CNTNAP5: variants seen among roughly 807,000 people sequenced by gnomAD.
The protein encoded by CNTNAP5 is contactin associated protein family member 5.
In CNTNAP5, 72 loss-of-function variants were observed where a neutral mutation model predicts 150.2. That is an observed-to-expected ratio of 0.48 (90% CI 0.40 to 0.58). The LOEUF (loss-of-function observed/expected upper bound fraction) is 0.58, where lower values mean the gene tolerates loss of function less well. Ranked by LOEUF, CNTNAP5 falls within the 20% of genes least tolerant of loss-of-function variation. The probability of loss-of-function intolerance (pLI) is 0.00; values close to 1 mark genes in which losing one functional copy is unlikely to be tolerated. For synonymous variants in CNTNAP5, 672 were observed against 619.8 expected (o/e 1.08, Z -1.25); for missense variants, 1,636 against 1,626.2 (o/e 1.01, Z -0.10).
chr2:124,407,999 A>G (rs1051289277), intron 3 of CNTNAP5, among the ~76,000 whole-genome samples: 2 of 152,308 alleles, frequency 1.3e-5, no homozygotes, highest in East Asian at 1.9e-4. Context: ...GGAGTGCCAG[A>G]CAGTGGGCGC....
At chr2:124,223,174 G>T (rs928214991) in intron 2 of CNTNAP5, among the ~76,000 whole-genome samples, 1 of 152,116 alleles carries the variant, frequency 6.6e-6, no homozygotes, top group African/African-American at 2.4e-5. Flanking sequence ...CTGGGGAAAT[G>T]CTTGCATTCA....
At chr2:124,283,126 G>C (rs1688057648) in intron 3 of CNTNAP5, among the ~76,000 whole-genome samples, 1 of 151,846 alleles carries the variant, frequency 6.6e-6, no homozygotes, top group Non-Finnish European at 1.5e-5. Context: ...TTTTTCCACT[G>C]TATGAATTTG....
At chr2:124,099,793 C>T (rs1259813753) in intron 1 of CNTNAP5, among the ~76,000 whole-genome samples, 3 of 151,940 alleles carry the variant, frequency 2.0e-5, no homozygotes, top group Non-Finnish European at 2.9e-5. Flanking sequence ...GAGAACAAGG[C>T]GGGGGGCAGG....
intron 6 of CNTNAP5, among the ~76,000 whole-genome samples, chr2:124,451,052 A>ATG (rs1491444338): frequency 3.8e-3 from 190 of 49,716 alleles, no homozygotes; most frequent in African/African-American, 0.013. Context: ...AAAAAAAAAA[A>ATG]TATATATATA....
At chr2:124,859,878 G>A (rs1053392868) in intron 19 of CNTNAP5, among the ~76,000 whole-genome samples, 1 of 152,086 alleles carries the variant, frequency 6.6e-6, no homozygotes, top group African/African-American at 2.4e-5. Context: ...TTGGACACAG[G>A]AAGGGGAACA....
chr2:124,045,277 ATTTTC>A (rs1208307629), intron 1 of CNTNAP5, among the ~76,000 whole-genome samples: 1 of 138,830 alleles, frequency 7.2e-6, no homozygotes, highest in African/African-American at 2.7e-5. Flanking sequence ...CCAAACTTTG[ATTTTC>A]TTTTCTTTTC....
intron 6 of CNTNAP5, among the ~76,000 whole-genome samples, chr2:124,468,801 T>A (rs1324838372): frequency 6.6e-6 from 1 of 152,178 alleles, no homozygotes; most frequent in Non-Finnish European, 1.5e-5. Flanking sequence ...GCTCTTCTGG[T>A]CCTGGGGACC....
intron 13 of CNTNAP5, among the ~76,000 whole-genome samples, chr2:124,707,284 G>A (rs1216617712): frequency 6.6e-6 from 1 of 152,148 alleles, no homozygotes; most frequent in Non-Finnish European, 1.5e-5. Context: ...AGGGTCACCT[G>A]GAGGTCTGGC....
intron 10 of CNTNAP5, among the ~76,000 whole-genome samples, chr2:124,554,034 G>A (rs1695694890): frequency 6.6e-6 from 1 of 152,002 alleles, no homozygotes; most frequent in Non-Finnish European, 1.5e-5. Context: ...TTTATTTTTG[G>A]TTTTAAAAAA....
intron 10 of CNTNAP5, among the ~76,000 whole-genome samples, chr2:124,535,045 G>A (rs1001410705): frequency 2.6e-5 from 4 of 152,144 alleles, no homozygotes; most frequent in Non-Finnish European, 4.4e-5. Context: ...TGACCACTAA[G>A]CAATCTATGC....
At chr2:124,660,943 C>CAAAAAA (rs34511096) in intron 13 of CNTNAP5, among the ~76,000 whole-genome samples, 7 of 104,010 alleles carry the variant, frequency 6.7e-5, no homozygotes, top group Non-Finnish European at 9.4e-5. Context: ...GACTGGGTCT[C>CAAAAAA]AAAAAAAAAA....
chr2:124,291,352 C>A (rs1170392311), intron 3 of CNTNAP5, among the ~76,000 whole-genome samples: 2 of 151,854 alleles, frequency 1.3e-5, no homozygotes, highest in Non-Finnish European at 2.9e-5. Context: ...TTTTATGATA[C>A]CTTCTTCATT....
intron 1 of CNTNAP5, among the ~76,000 whole-genome samples, chr2:124,165,707 A>C (rs1684797146): frequency 6.6e-6 from 1 of 152,112 alleles, no homozygotes; most frequent in Admixed American, 6.6e-5. Flanking sequence ...CTCTGCTTTT[A>C]AGTCACCAAA....
chr2:124,842,655 T>C (rs1682968182), intron 19 of CNTNAP5, among the ~76,000 whole-genome samples: 1 of 152,170 alleles, frequency 6.6e-6, no homozygotes, highest in Non-Finnish European at 1.5e-5. Flanking sequence ...TAGAAGAAGA[T>C]AATTGTTGCT....
chr2:124,798,043 G>A (rs528719804), intron 18 of CNTNAP5, 53 bp from the exon 19 acceptor site: 2 of 1,398,622 alleles, frequency 1.4e-6, no homozygotes, highest in South Asian at 1.2e-5. Context: ...AGGTTAGCTT[G>A]AACAATGGAT....
chr2:124,499,295 AATT>A (rs1407221710), intron 7 of CNTNAP5, among the ~76,000 whole-genome samples: 1 of 140,316 alleles, frequency 7.1e-6, no homozygotes, highest in Non-Finnish European at 1.6e-5. Context: ...AAAAGTAGCT[AATT>A]ATTACAAGGC....
chr2:124,376,927 T>A (rs747931480), intron 3 of CNTNAP5, among the ~76,000 whole-genome samples: 15 of 152,114 alleles, frequency 9.9e-5, no homozygotes, highest in Admixed American at 3.9e-4. Context: ...ATTTCCTGTG[T>A]TTAAATGGAA....
chr2:124,863,592 A>G (rs992510111), intron 19 of CNTNAP5, among the ~76,000 whole-genome samples: 2 of 152,186 alleles, frequency 1.3e-5, no homozygotes, highest in African/African-American at 4.8e-5. Context: ...ACATTTTTCT[A>G]TTCTTAATTT....
At chr2:124,552,282 T>C (rs1005901953) in intron 10 of CNTNAP5, among the ~76,000 whole-genome samples, 5 of 152,182 alleles carry the variant, frequency 3.3e-5, no homozygotes, top group Non-Finnish European at 5.9e-5. Context: ...TGGAACTCGC[T>C]GAGTCTCAGG....
Sources: allele counts gnomAD v4.1 joint callset (sites outside exome capture counted in the v4.1 genomes callset), GRCh38; gene constraint gnomAD v4.1.1; transcripts MANE v1.5; gene names NCBI Gene and HGNC (gene_info 2026-07-23, HGNC 2026-07-21).